The following MCC variants were observed in gnomAD, a reference collection of about 807,000 sequenced individuals.
MCC encodes the protein MCC regulator of Wnt signaling pathway, also known as colorectal mutant cancer protein.
MCC carries 90 observed loss-of-function variants against 116.2 expected under a neutral mutation model. The ratio of observed to expected loss-of-function variants is 0.77; its 90% CI spans 0.65 to 0.92. The LOEUF is 0.92. Ranked by LOEUF, MCC falls within the 40% of genes least tolerant of loss-of-function variation. The pLI is 0.00. For synonymous variants in MCC, 578 were observed against 510.5 expected (o/e 1.13, Z -1.78); for missense variants, 1,516 against 1,312.2 (o/e 1.16, Z -2.40).
chr5:113,067,529 T>C (rs6859927), intron 13 of MCC, among the ~76,000 whole-genome samples: 151,350 of 152,338 alleles, frequency 0.99, 75,196 homozygotes, highest in Middle Eastern at 1. Flanking sequence ...CCCAGCTACT[T>C]GGGAGGCTGA....
chr5:113,440,600 A>G, intron 1 of MCC, among the ~76,000 whole-genome samples: 1 of 152,164 alleles, frequency 6.6e-6, no homozygotes, highest in African/African-American at 2.4e-5. Context: ...AAGGAGAAAG[A>G]GAGGGAGGGA....
At chr5:113,105,403 T>C (rs1230759791) in intron 6 of MCC, among the ~76,000 whole-genome samples, 1 of 152,256 alleles carries the variant, frequency 6.6e-6, no homozygotes, top group Non-Finnish European at 1.5e-5. Flanking sequence ...CAGAATGTTT[T>C]AGTCAACCTC....
chr5:113,352,194 C>G (rs1228184033), intron 2 of MCC, among the ~76,000 whole-genome samples: 1 of 152,064 alleles, frequency 6.6e-6, no homozygotes, highest in African/African-American at 2.4e-5. Flanking sequence ...TCAATAAAAA[C>G]CAACATTCAT....
chr5:113,062,341 T>C (rs545262941), intron 14 of MCC, among the ~76,000 whole-genome samples: 3 of 152,322 alleles, frequency 2.0e-5, no homozygotes, highest in Admixed American at 1.3e-4. Context: ...CTAACAAATA[T>C]TCAAAAGCTA....
At chr5:113,394,042 A>G (rs1769465266) in intron 1 of MCC, among the ~76,000 whole-genome samples, 1 of 152,136 alleles carries the variant, frequency 6.6e-6, no homozygotes, top group African/African-American at 2.4e-5. Context: ...TCCATTTTCT[A>G]CTGGGTAGAT....
intron 3 of MCC, among the ~76,000 whole-genome samples, chr5:113,279,215 G>A (rs140055664): frequency 6.6e-6 from 1 of 152,046 alleles, no homozygotes; most frequent in African/African-American, 2.4e-5. Context: ...ATCATTTCAC[G>A]ACATGGTGTG....
intron 8 of MCC, among the ~76,000 whole-genome samples, chr5:113,096,869 AAAG>A (rs1756058004): frequency 6.6e-6 from 1 of 152,158 alleles, no homozygotes; most frequent in African/African-American, 2.4e-5. Flanking sequence ...CAGCCATACA[AAAG>A]AAGAGCCACC....
At chr5:113,277,989 T>C (rs915765382) in intron 3 of MCC, among the ~76,000 whole-genome samples, 5 of 152,134 alleles carry the variant, frequency 3.3e-5, no homozygotes, top group African/African-American at 7.2e-5. Flanking sequence ...ACGAACTGGA[T>C]TTTACTAGGA....
At chr5:113,377,944 T>C (rs1769025136) in intron 2 of MCC, among the ~76,000 whole-genome samples, 1 of 152,200 alleles carries the variant, frequency 6.6e-6, no homozygotes, top group African/African-American at 2.4e-5. Flanking sequence ...CCCTTTTACC[T>C]TCAAATGGGG....
intron 3 of MCC, among the ~76,000 whole-genome samples, chr5:113,201,443 C>A (rs1420952796): frequency 6.6e-6 from 1 of 151,734 alleles, no homozygotes; most frequent in Non-Finnish European, 1.5e-5. Flanking sequence ...GTGTGGTATC[C>A]CACCCTCCAT....
chr5:113,488,189 G>C, intron 1 of MCC, 56 bp downstream of exon 1: 3 of 1,550,930 alleles, frequency 1.9e-6, no homozygotes, highest in Non-Finnish European at 2.6e-6. Context: ...AGGGGTCAAG[G>C]GCGCGCGGAG....
At chr5:113,069,295 A>G (rs1753856833) in intron 12 of MCC, among the ~76,000 whole-genome samples, 1 of 152,226 alleles carries the variant, frequency 6.6e-6, no homozygotes, top group Non-Finnish European at 1.5e-5. Context: ...TTGGATTTCT[A>G]GGAGGAGGAA....
chr5:113,042,170 A>C (rs1286052981), intron 17 of MCC, among the ~76,000 whole-genome samples: 1 of 151,968 alleles, frequency 6.6e-6, no homozygotes, highest in African/African-American at 2.4e-5. Context: ...CAGCAGACAA[A>C]AAAGATGAAG....
intron 2 of MCC, among the ~76,000 whole-genome samples, chr5:113,366,951 A>T (rs912855449): frequency 7.9e-5 from 12 of 152,012 alleles, no homozygotes; most frequent in African/African-American, 2.7e-4. Flanking sequence ...ACAGCTGTGC[A>T]CCACCATGTC....
Position 113,203,023 on chromosome 5 carries a change from A to AC in MCC, c.628-51602dup, listed in dbSNP as rs369051424. 1.7e-3 allele frequency among the ~76,000 whole-genome samples: 257 copies of AC among 152,240 alleles called. 1 individual carries two copies. Among genetic ancestry groups the AC allele is most frequent in the African/African-American group, 5.9e-3 (244 of 41,546 alleles). On this transcript the variant is annotated intron_variant, in intron 3 of 18. Coordinates refer to ENST00000408903, the MANE Select transcript of MCC (RefSeq NM_001085377.2). ...TTTTCCCTTTCAGAACTTCTGAGCC[A>AC]CCAAGCCAGGAAATCTTTTGGTGAC...
chr5:113,196,068 C>T (rs185975495), intron 3 of MCC, among the ~76,000 whole-genome samples: 168 of 152,336 alleles, frequency 1.1e-3, no homozygotes, highest in African/African-American at 3.3e-3. Flanking sequence ...TCATTCTTTT[C>T]GATTGTTTAC....
chr5:113,404,808 C>T (rs1349421573), intron 1 of MCC, among the ~76,000 whole-genome samples: 2 of 125,988 alleles, frequency 1.6e-5, no homozygotes, highest in Non-Finnish European at 3.3e-5. Context: ...CATCCAAAAT[C>T]AATCAAGTTA....
intron 3 of MCC, among the ~76,000 whole-genome samples, chr5:113,322,294 T>G (rs1027096507): frequency 1.3e-5 from 2 of 152,238 alleles, no homozygotes; most frequent in African/African-American, 4.8e-5. Flanking sequence ...GCAGTTTGAC[T>G]GCACACTTTT....
chr5:113,346,957 C>G (rs769341602), intron 2 of MCC, among the ~76,000 whole-genome samples: 1 of 151,318 alleles, frequency 6.6e-6, no homozygotes, highest in Non-Finnish European at 1.5e-5. Context: ...AAAAAAAAAC[C>G]CTTTTACACT....
Sources: allele counts gnomAD v4.1 joint callset (sites outside exome capture counted in the v4.1 genomes callset), GRCh38; gene constraint gnomAD v4.1.1; transcripts MANE v1.5; gene names NCBI Gene and HGNC (gene_info 2026-07-23, HGNC 2026-07-21).